Variants in SLC5A8 observed in about 807,000 individuals in gnomAD.
SLC5A8 encodes the protein solute carrier family 5 member 8.
In SLC5A8, 55 loss-of-function variants were observed where a neutral mutation model predicts 71.9. That is an observed-to-expected ratio of 0.77 (90% confidence interval 0.62 to 0.96). The LOEUF (loss-of-function observed/expected upper bound fraction) is 0.96, where lower values mean the gene tolerates loss of function less well. Ranked by LOEUF, SLC5A8 falls within the 40% of genes least tolerant of loss-of-function variation. The pLI is 0.00. For missense variants in SLC5A8, 701 were observed against 745.3 expected (o/e 0.94, Z 0.69); for synonymous variants, 307 against 276.1 (o/e 1.11, Z -1.11).
chr12:101,197,506 A>T (rs1265723809), intron 3 of SLC5A8, among the ~76,000 whole-genome samples: 1 of 152,214 alleles, frequency 6.6e-6, no homozygotes, highest in Admixed American at 6.5e-5. Context: ...GTTTACAAGA[A>T]ATACAGAGGA....
At chr12:101,194,616 C>A (rs1199483487) in intron 4 of SLC5A8, among the ~76,000 whole-genome samples, 1 of 152,062 alleles carries the variant, frequency 6.6e-6, no homozygotes. Context: ...CAGGTGTATG[C>A]CACCATGCCT....
rs764262137 is a variant in SLC5A8 at position 101,193,697 on chromosome 12, G to T, written c.620C>A (p.Ala207Asp). ...VAGFASVIIQ[A>D]VVMQGGISTI... ...GCTGATTCCACCTTGCATCACCACA[G>T]CCTGTATAATCACGGATGCAAATCC... The change falls in exon 5 of 15, where the codon GCT becomes GAT. Residue 207 changes from alanine to aspartate, a missense_variant. By Grantham distance (126) the Ala-to-Asp change is moderately radical. Coordinates refer to ENST00000536262, the MANE Select transcript of SLC5A8 (RefSeq NM_145913.5). 2 of 1,614,010 alleles carry T rather than the reference G, an allele frequency of 1.2e-6. No individual in the cohort carries two copies. The highest frequency in any genetic ancestry group is 1.7e-5 in the Admixed American group (1 of 60,002).
At chr12:101,193,550 C>G in intron 5 of SLC5A8, 75 bp downstream of exon 5, 2 of 1,483,120 alleles carry the variant, frequency 1.3e-6, no homozygotes, top group Non-Finnish European at 1.8e-6. Context: ...TAATGTAAAT[C>G]TACTATTTCA....
At chr12:101,194,266 A>T (rs554891627) in intron 4 of SLC5A8, among the ~76,000 whole-genome samples, 1 of 152,186 alleles carries the variant, frequency 6.6e-6, no homozygotes, top group East Asian at 1.9e-4. Context: ...AAGTTTCTCT[A>T]TGACCTAAGC....
chr12:101,164,484 C>T (rs2051750935), intron 12 of SLC5A8, among the ~76,000 whole-genome samples: 1 of 152,174 alleles, frequency 6.6e-6, no homozygotes, highest in South Asian at 2.1e-4. Context: ...ATCTAGGCAA[C>T]CAAAGCATCA....
chr12:101,162,771 C>T (rs1478269799), intron 12 of SLC5A8, among the ~76,000 whole-genome samples: 1 of 152,002 alleles, frequency 6.6e-6, no homozygotes, highest in Non-Finnish European at 1.5e-5. Flanking sequence ...CAAGAGTTTA[C>T]CCAAGTAAGA....
chr12:101,170,160 G>A (rs2051815219), intron 10 of SLC5A8, among the ~76,000 whole-genome samples: 1 of 152,174 alleles, frequency 6.6e-6, no homozygotes, highest in African/African-American at 2.4e-5. Context: ...AGACACTGTT[G>A]TAAAGATTGG....
At chr12:101,159,662 C>G (rs1262636751) in intron 13 of SLC5A8, among the ~76,000 whole-genome samples, 1 of 152,128 alleles carries the variant, frequency 6.6e-6, no homozygotes, top group Non-Finnish European at 1.5e-5. Flanking sequence ...ATCCCAGTCA[C>G]TGAGGTAGAG....
intron 1 of SLC5A8, among the ~76,000 whole-genome samples, chr12:101,208,145 G>T (rs7296179): frequency 2.0e-5 from 3 of 151,658 alleles, no homozygotes; most frequent in Non-Finnish European, 2.9e-5. Context: ...GGGGAATTTC[G>T]CCAGTTTGTC....
At chr12:101,181,713 C>T (rs940397239) in intron 9 of SLC5A8, among the ~76,000 whole-genome samples, 1 of 152,186 alleles carries the variant, frequency 6.6e-6, no homozygotes, top group Non-Finnish European at 1.5e-5. Context: ...TACTAAACCA[C>T]ACAGCTTCAA....
intron 10 of SLC5A8, among the ~76,000 whole-genome samples, chr12:101,178,677 A>AAT (rs2051903850): frequency 6.6e-6 from 1 of 152,208 alleles, no homozygotes; most frequent in Non-Finnish European, 1.5e-5. Flanking sequence ...TGTAGACTTA[A>AAT]ATATAAAATG....
At chr12:101,183,360 T>A (rs912499116) in intron 8 of SLC5A8, among the ~76,000 whole-genome samples, 1 of 152,162 alleles carries the variant, frequency 6.6e-6, no homozygotes, top group African/African-American at 2.4e-5. Flanking sequence ...ATGCTATTTT[T>A]AATAATCACA....
chr12:101,181,782 T>A (rs558293871), intron 9 of SLC5A8, among the ~76,000 whole-genome samples: 1 of 152,318 alleles, frequency 6.6e-6, no homozygotes, highest in African/African-American at 2.4e-5. Flanking sequence ...ATTCTGAAAT[T>A]ATGTTCCAGG....
At position 101,190,507 on chromosome 12, in the gene SLC5A8, T is replaced by G; in HGVS notation, c.794A>C (p.Gln265Pro). ...SIYGVNQSQV[Q>P]RYISCKSRFQ... Reference sequence around the variant, plus strand: ...TCTGCTTTTACAAGAAATATATCTCTGCACCTGGGATTGGTTGACACCGTA... The same window carrying G: ...TCTGCTTTTACAAGAAATATATCTCGGCACCTGGGATTGGTTGACACCGTA... Residue 265 changes from glutamine (Q) to proline (P), a missense_variant, in exon 6 of 15, where the codon CAG (glutamine) becomes CCG (proline). Coordinates refer to ENST00000536262, the MANE Select transcript of SLC5A8 (RefSeq NM_145913.5). 1 of 1,613,496 alleles carries G rather than the reference T, an allele frequency of 6.2e-7. No homozygotes were observed. The highest frequency in any genetic ancestry group is 8.5e-7 in the Non-Finnish European group (1 of 1,179,790).
At chr12:101,158,951 CAAA>C (rs34838052) in intron 13 of SLC5A8, among the ~76,000 whole-genome samples, 1 of 116,666 alleles carries the variant, frequency 8.6e-6, no homozygotes, top group Non-Finnish European at 1.9e-5. Flanking sequence ...GTTTTCTTTA[CAAA>C]AAAAAAAAAA....
intron 10 of SLC5A8, among the ~76,000 whole-genome samples, chr12:101,174,450 T>C (rs751108027): frequency 6.6e-6 from 1 of 152,220 alleles, no homozygotes; most frequent in African/African-American, 2.4e-5. Context: ...CCAGAGACCA[T>C]TGTCAGACTT....
At chr12:101,174,112 T>G (rs761901594) in intron 10 of SLC5A8, among the ~76,000 whole-genome samples, 3 of 152,190 alleles carry the variant, frequency 2.0e-5, no homozygotes, top group Non-Finnish European at 2.9e-5. Context: ...AGGGCTTCAT[T>G]TGACTTCTTG....
intron 1 of SLC5A8, among the ~76,000 whole-genome samples, chr12:101,206,995 G>C (rs1399449135): frequency 6.6e-6 from 1 of 152,070 alleles, no homozygotes; most frequent in Non-Finnish European, 1.5e-5. Flanking sequence ...AGAATGCCAG[G>C]GTATCAATCA....
At chr12:101,189,640 G>GCC (rs1868813186) in intron 6 of SLC5A8, among the ~76,000 whole-genome samples, 1 of 152,102 alleles carries the variant, frequency 6.6e-6, no homozygotes, top group Admixed American at 6.6e-5. Context: ...CTTTGCTCAA[G>GCC]CCAAGATGGG....
Sources: gnomAD v4.1 joint callset for allele counts (sites outside exome capture counted in the v4.1 genomes callset) on GRCh38, gnomAD v4.1.1 for gene constraint, MANE v1.5 for transcripts, NCBI Gene and HGNC (gene_info 2026-07-23, HGNC 2026-07-21) for gene names.